SNX31: variants seen among roughly 807,000 people sequenced by gnomAD.
SNX31 encodes sorting nexin-31.
A neutral mutation model predicts 65.4 loss-of-function variants in SNX31; 58 were observed. The ratio of observed to expected loss-of-function variants is 0.89; its 90% CI spans 0.72 to 1.10. The LOEUF (loss-of-function observed/expected upper bound fraction) is 1.10, where lower values mean the gene tolerates loss of function less well. SNX31 is among the 50% of genes least tolerant of loss of function. SNX31 has a pLI of 0.00. For missense variants in SNX31, 523 were observed against 529.7 expected, an observed-to-expected ratio of 0.99 and a Z score of 0.12; for synonymous variants, 181 against 190.1, an observed-to-expected ratio of 0.95 and a Z score of 0.39.
chr8:100,662,239 G>A (rs1296989355), intron 1 of SNX31, among the ~76,000 whole-genome samples: 1 of 152,222 alleles, frequency 6.6e-6, no homozygotes, highest in East Asian at 1.9e-4. Flanking sequence ...TTATGCAGCT[G>A]TTAAATGACA....
chr8:100,635,222 T>TTTTATTTTTTTATTTA (rs1554585612), intron 3 of SNX31, among the ~76,000 whole-genome samples: 1,927 of 149,746 alleles, frequency 0.013, 39 homozygotes, highest in African/African-American at 0.045. Context: ...ACCTCATCTC[T>TTTTATTTTTTTATTTA]TTTATTTATT....
At chr8:100,641,033 G>C (rs12544449) in intron 2 of SNX31, among the ~76,000 whole-genome samples, 72,490 of 151,844 alleles carry the variant, frequency 0.48, 17,581 homozygotes, top group African/African-American at 0.55. Context: ...GGAAACTGTG[G>C]ATTATATGGA....
chr8:100,648,359 G>A lies in SNX31; in HGVS notation c.141+915C>T, dbSNP rs1184995704. Among the ~76,000 whole-genome samples the A allele has an allele frequency of 2.1e-5, 3 of 141,486 alleles. No individual in the cohort carries two copies. Among genetic ancestry groups the A allele is most frequent in the Non-Finnish European group, 3.0e-5 (2 of 66,446 alleles). 92.8% of individuals were successfully genotyped at this position (141,486 alleles called of 152,430 possible). A position where few individuals can be genotyped will look rare whatever the true frequency, so the allele number is the denominator to read the frequency against. The stretch of plus-strand genomic sequence containing the variant: ...TTTTTTTTAATAGAGACAAGGTCTC[G>A]GCTATGTTGCCCAGGCTGGTCTCAA... On this transcript the variant is annotated intron_variant, in intron 2 of 13. Transcript: ENST00000311812. The surrounding 1 kb of genome is among the most constrained non-coding windows in gnomAD (Gnocchi z 4.3).
chr8:100,617,292 C>A (rs966402362), intron 5 of SNX31, among the ~76,000 whole-genome samples: 2 of 152,220 alleles, frequency 1.3e-5, no homozygotes, highest in East Asian at 1.9e-4. Context: ...CTGCTCCCAA[C>A]GATGGGACAT....
rs1187717819 is a variant in SNX31, at chr8:100,608,642, G to A, written c.612-79C>T. The A allele has an allele frequency of 7.9e-6, 11 of 1,397,128 alleles. No individual in the cohort carries two copies. In the East Asian group the frequency reaches 2.6e-4, roughly 33 times the overall value. 86.5% of individuals were successfully genotyped at this position (1,397,128 alleles called of 1,614,324 possible). A position where few individuals can be genotyped will look rare whatever the true frequency, so the allele number is the denominator to read the frequency against. The stretch of plus-strand genomic sequence containing the variant: ...CCTGGCAAGTGCTTTGGAAAGTGGT[G>A]GCCCTCTACCCTATGAACCAGGGCC... On this transcript the variant is annotated intron_variant, in intron 7 of 13. Coordinates refer to ENST00000311812, the MANE Select transcript of SNX31 (RefSeq NM_152628.4).
chr8:100,636,786 A>G lies in SNX31; in HGVS notation c.142-775T>C, dbSNP rs1344999625. Among the ~76,000 whole-genome samples, 4 of 152,108 alleles carry G rather than the reference A, an allele frequency of 2.6e-5. 1 individual carries two copies. In the South Asian group the frequency reaches 8.3e-4, roughly 32 times the overall value. On this transcript the variant is annotated intron_variant, in intron 2 of 13. Coordinates refer to ENST00000311812, the MANE Select transcript of SNX31 (RefSeq NM_152628.4). ...GCCCAGGCTGGAGTGCAATGGCTCAATCTTGGCTCACTGCAACCTCCGCCT... is the reference window on the plus strand; with the variant it reads ...GCCCAGGCTGGAGTGCAATGGCTCAGTCTTGGCTCACTGCAACCTCCGCCT...
At chr8:100,621,253 C>T (rs1817669162) in intron 4 of SNX31, among the ~76,000 whole-genome samples, 1 of 152,180 alleles carries the variant, frequency 6.6e-6, no homozygotes, top group Non-Finnish European at 1.5e-5. Context: ...ATAGGGTAAA[C>T]ATCTCTCCCA....
At position 100,648,453 on chromosome 8, in the gene SNX31, G is replaced by A. The variant is rs1819797572; in HGVS notation, c.141+821C>T. On this transcript the variant is annotated intron_variant, in intron 2 of 13. Transcript: ENST00000311812. The surrounding 1 kb of genome is among the most constrained non-coding windows in gnomAD (Gnocchi z 4.3). ...ATTGGGATTACAAGCATGAGCCACG[G>A]TGCCTGGCCTATACTTTTGTTTTTA... Among the ~76,000 whole-genome samples the A allele has an allele frequency of 6.6e-6, 1 of 151,824 alleles. No homozygotes were observed. Among genetic ancestry groups the A allele is most frequent in the African/African-American group, 2.4e-5 (1 of 41,304 alleles).
intron 8 of SNX31, among the ~76,000 whole-genome samples, chr8:100,607,666 T>A (rs1816297741): frequency 6.6e-6 from 1 of 152,266 alleles, no homozygotes; most frequent in East Asian, 1.9e-4. Context: ...ATAATTGGAG[T>A]GTTTGTAACG....
intron 1 of SNX31, among the ~76,000 whole-genome samples, chr8:100,654,810 C>T (rs1174713620): frequency 2.6e-5 from 4 of 152,120 alleles, no homozygotes; most frequent in Non-Finnish European, 4.4e-5. Context: ...GTCAGGAGTT[C>T]GAGACCAGCC....
intron 4 of SNX31, among the ~76,000 whole-genome samples, chr8:100,627,781 C>T (rs576984944): frequency 3.3e-5 from 5 of 152,146 alleles, no homozygotes; most frequent in Non-Finnish European, 7.4e-5. Context: ...AGGTGATCCG[C>T]CCACCTCAGC....
At chr8:100,650,705 A>G (rs1819940756), upstream of SNX31, among the ~76,000 whole-genome samples, 1 of 152,198 alleles carries the variant, frequency 6.6e-6, no homozygotes, top group Non-Finnish European at 1.5e-5. Flanking sequence ...CTGGTCTTAT[A>G]GAAAAGGAAA....
chr8:100,588,747 T>A lies in SNX31; in HGVS notation c.1092+119A>T. On this transcript the variant is annotated intron_variant, in intron 11 of 13. Transcript: ENST00000311812. This position sits in a 1 kb window ranked among gnomAD's most constrained non-coding sequence, Gnocchi z 4.8. ...AAGGTATTACGGTCCCGAACGAGAG[T>A]GCATAGAACACTTTAGGGTCCTGCT... 1.7e-6 allele frequency: 1 copy of A among 590,508 alleles called. No individual in the cohort carries two copies. The highest frequency in any genetic ancestry group is 3.0e-6 in the Non-Finnish European group (1 of 333,262). 36.6% of individuals were successfully genotyped at this position (590,508 alleles called of 1,614,324 possible).
Position 100,649,649 on chromosome 8 carries a change from G to C in SNX31, c.-135C>G. 1.2e-6 allele frequency: 1 copy of C among 822,674 alleles called. No individual in the cohort carries two copies. Among genetic ancestry groups the C allele is most frequent in the African/African-American group, 1.8e-5 (1 of 54,906 alleles). The allele number at this position is 822,674 out of a possible 1,614,324, so 51.0% of individuals were successfully genotyped here. On this transcript the variant is annotated 5_prime_UTR_variant, in exon 1 of 14. Transcript: ENST00000311812. ...AGAGCGAACCCCGGCGCCCGCTCTC[G>C]CCGGCCGGGGACATCTACAGGTGGG... is the stretch of plus-strand genomic sequence containing the variant.
chr8:100,635,433 A>T (rs938962083), intron 3 of SNX31, among the ~76,000 whole-genome samples: 1 of 144,320 alleles, frequency 6.9e-6, no homozygotes, highest in Non-Finnish European at 1.5e-5. Flanking sequence ...TAGAGACAGG[A>T]TCTCTCTATG....
chr8:100,641,565 A>AAAAAAATATATAT (rs1554587369), intron 2 of SNX31, among the ~76,000 whole-genome samples: 1 of 32,108 alleles, frequency 3.1e-5, no homozygotes, highest in Non-Finnish European at 5.3e-5. Context: ...AAAAAAAAAA[A>AAAAAAATATATAT]ATATATATAT....
At position 100,604,980 on chromosome 8, in the gene SNX31, C is replaced by T. The variant is rs963738821; in HGVS notation, c.681+3514G>A. Among the ~76,000 whole-genome samples, 2 of 151,982 alleles carry T rather than the reference C, an allele frequency of 1.3e-5. No individual in the cohort carries two copies. The highest frequency in any genetic ancestry group is 6.6e-5 in the Admixed American group (1 of 15,252). On this transcript the variant is annotated intron_variant, in intron 8 of 13. Coordinates refer to ENST00000311812, the MANE Select transcript of SNX31 (RefSeq NM_152628.4). This position sits in a 1 kb window ranked among gnomAD's most constrained non-coding sequence, Gnocchi z 4.3. ...GTGACATATTCTTGGCTCCCTGCAA[C>T]CTCTGCCTCCTGGGTTCAAGAGATT...
intron 2 of SNX31, 111 bp downstream of exon 2, chr8:100,649,163 G>A: frequency 9.9e-7 from 1 of 1,007,532 alleles, no homozygotes; most frequent in Non-Finnish European, 1.5e-6. Context: ...GGAAGCCCGA[G>A]GCCGTGAAAG....
intron 12 of SNX31, among the ~76,000 whole-genome samples, chr8:100,581,306 A>ATT (rs1301575247): frequency 2.3e-5 from 3 of 128,986 alleles, no homozygotes; most frequent in African/African-American, 1.2e-4. Context: ...CTTTAAAAAA[A>ATT]TTTTTTATAT....
Sources: allele counts gnomAD v4.1 joint callset (sites outside exome capture counted in the v4.1 genomes callset), GRCh38; gene constraint gnomAD v4.1.1; non-coding constraint Gnocchi (gnomAD v3.1); transcripts MANE v1.5; gene names NCBI Gene and HGNC (gene_info 2026-07-23, HGNC 2026-07-21).